Variants in ANXA6 observed in about 807,000 individuals in gnomAD.
ANXA6 encodes the protein annexin A6.
Under a neutral mutation model 95.4 loss-of-function variants are expected in ANXA6, and 71 were observed. That is an observed-to-expected ratio of 0.74 (90% CI 0.61 to 0.91). The LOEUF is 0.91. Among genes scored for constraint, ANXA6 ranks in the 40% least tolerant of loss-of-function variants. ANXA6 has a pLI of 0.00. For synonymous variants in ANXA6, 289 were observed against 315.9 expected (o/e 0.91, Z 0.90); for missense variants, 830 against 876.4 (o/e 0.95, Z 0.67).
At chr5:151,134,208 C>T (rs545217902) in intron 8 of ANXA6, among the ~76,000 whole-genome samples, 1 of 152,332 alleles carries the variant, frequency 6.6e-6, no homozygotes, top group African/African-American at 2.4e-5. Context: ...CTCCAAAGTA[C>T]ACCTCACCAA....
At position 151,103,692 on chromosome 5, in the gene ANXA6, C is replaced by G. The variant is rs1764612317; in HGVS notation, c.1840G>C (p.Gly614Arg). Residue 614 changes from glycine (G) to arginine (R), a missense_variant and splice_region_variant, in exon 25 of 26, where the codon GGT (glycine) becomes CGT (arginine). Coordinates refer to ENST00000354546, the MANE Select transcript of ANXA6 (RefSeq NM_001155.5). Reference protein sequence around the residue: ...FADKLYKSMKGAGTDEKTLTR... With the variant: ...FADKLYKSMKRAGTDEKTLTR... ...AGAGTCTTCTCATCTGTGCCAGCAC[C>G]CTGGTGGAGCCAGGCAGGAGGGAGA... is the stretch of plus-strand genomic sequence containing the variant. 1 of 1,607,054 alleles carries G rather than the reference C, an allele frequency of 6.2e-7. No individual in the cohort carries two copies. Among genetic ancestry groups the G allele is most frequent in the Non-Finnish European group, 8.5e-7 (1 of 1,176,876 alleles).
At chr5:151,128,149 G>GC in intron 13 of ANXA6, 32 bp downstream of exon 13, 1 of 1,597,102 alleles carries the variant, frequency 6.3e-7, no homozygotes, top group South Asian at 1.1e-5. Flanking sequence ...CCAAGGCCAT[G>GC]CCCTCCAGCC....
At chr5:151,110,409 G>C (rs1764816722) in intron 21 of ANXA6, among the ~76,000 whole-genome samples, 1 of 152,204 alleles carries the variant, frequency 6.6e-6, no homozygotes, top group Non-Finnish European at 1.5e-5. Context: ...AGTATTAATA[G>C]CTGGTGGTTA....
At chr5:151,138,944 C>A (rs1765747154) in intron 4 of ANXA6, 153 bp from the exon 5 acceptor site, 4 of 636,322 alleles carry the variant, frequency 6.3e-6, no homozygotes, top group Middle Eastern at 6.7e-4. Context: ...TGTTACCAAC[C>A]CTAAGAGACA....
chr5:151,129,520 T>C lies in ANXA6; in HGVS notation c.805A>G (p.Thr269Ala). 6.2e-7 allele frequency: 1 copy of C among 1,603,896 alleles called. No individual in the cohort carries two copies. The highest frequency in any genetic ancestry group is 1.1e-5 in the South Asian group (1 of 89,312). The change falls in exon 12 of 26, where the codon ACT (threonine) becomes GCT (alanine). Residue 269 changes from threonine (T) to alanine (A), a missense_variant. Transcript: ENST00000354546. The part of the protein sequence containing the change: ...RLFKAMKGLG[T>A]RDNTLIRIMV... ...ATGCGGATCAGGGTGTTGTCCCGAG[T>C]CCCCAGGCCCTGCAAGACAAGTGGG...
rs1224950550 is a variant in ANXA6 at position 151,119,362 on chromosome 5, A to G, written c.1376T>C (p.Ile459Thr). Residue 459 changes from isoleucine (I) to threonine (T), a missense_variant, in exon 18 of 26, where the codon ATT becomes ACT. Physicochemically the swap from Ile to Thr is moderately conservative, Grantham distance 89 (BLOSUM62 -1). Coordinates refer to ENST00000354546, the MANE Select transcript of ANXA6 (RefSeq NM_001155.5). ...ATTGGTCCGAGTGGCCAGGATTTCA[A>G]TAAGAGCCTTTTCATCTGTGCCGGC... ...EGAGTDEKAL[I>T]EILATRTNAE... 1.2e-6 allele frequency: 2 copies of G among 1,613,778 alleles called. No individual in the cohort carries two copies. Among genetic ancestry groups the G allele is most frequent in the Non-Finnish European group, 1.7e-6 (2 of 1,179,898 alleles).
rs36120948 is a variant in ANXA6 at position 151,149,179 on chromosome 5, CAAA to C, written c.-25-1256_-25-1254del. On this transcript the variant is annotated intron_variant, in intron 1 of 25. Coordinates refer to ENST00000354546, the MANE Select transcript of ANXA6 (RefSeq NM_001155.5). ...CTGGGTGACAGGGCAAGCCCTGTCT[CAAA>C]AAAAAAAAAAAAAAAAAAAAGACAG... is the stretch of plus-strand genomic sequence containing the variant. Among the ~76,000 whole-genome samples the C allele has an allele frequency of 6.3e-5, 3 of 47,298 alleles. No individual in the cohort carries two copies. In the Admixed American group the frequency reaches 8.4e-4, roughly 13 times the overall value. The allele number at this position is 47,298 out of a possible 152,430, so 31.0% of individuals were successfully genotyped here. A position where few individuals can be genotyped will look rare whatever the true frequency, so the allele number is the denominator to read the frequency against.
At chr5:151,108,271 G>A (rs1210465651) in intron 23 of ANXA6, among the ~76,000 whole-genome samples, 184 bp downstream of exon 23, 1 of 152,084 alleles carries the variant, frequency 6.6e-6, no homozygotes, top group Non-Finnish European at 1.5e-5. Flanking sequence ...ACCCTCTCCT[G>A]CAGCCTCGCA....
rs1582000052 is a variant in ANXA6, at chr5:151,129,318, C to T, written c.918+89G>A. 4 of 1,526,644 alleles carry T rather than the reference C, an allele frequency of 2.6e-6. No individual in the cohort carries two copies. The East Asian group carries it at 9.1e-5, about 35-fold the overall frequency. 94.6% of individuals were successfully genotyped at this position (1,526,644 alleles called of 1,614,324 possible). A position where few individuals can be genotyped will look rare whatever the true frequency, so the allele number is the denominator to read the frequency against. On this transcript the variant is annotated intron_variant, in intron 12 of 25. Transcript: ENST00000354546. ...TCCAAGAGACTCCCACTTCCTAGGA[C>T]ATTTCCTTTTCCTGGGAATAGTCCC... is the stretch of plus-strand genomic sequence containing the variant.
intron 19 of ANXA6, 52 bp downstream of exon 19, chr5:151,117,706 C>T (rs1419471585): frequency 5.3e-6 from 8 of 1,500,636 alleles, no homozygotes; most frequent in South Asian, 1.2e-5. Context: ...CCTTCCCTTC[C>T]TCCCAGGCCT....
chr5:151,124,874 A>C (rs1765274159), intron 14 of ANXA6, among the ~76,000 whole-genome samples: 1 of 152,166 alleles, frequency 6.6e-6, no homozygotes, highest in Non-Finnish European at 1.5e-5. Context: ...TAGCACACAC[A>C]CTATGCCATC....
At chr5:151,144,721 T>C (rs921191260) in intron 2 of ANXA6, among the ~76,000 whole-genome samples, 4 of 152,054 alleles carry the variant, frequency 2.6e-5, no homozygotes, top group African/African-American at 7.3e-5. Flanking sequence ...CAAGCCTTGA[T>C]CCAAACGCTC....
rs1765317222 is a variant in ANXA6 at position 151,126,413 on chromosome 5, C to T, written c.1045G>A (p.Ala349Thr). ...GGGGAAGGTCTGACCTCTACTCGGG[C>T]CACTGCACTAAGTTCCCACATCTGA... ...AYQMWELSAV[A>T]RVELKGTVRP... The change falls in exon 14 of 26, where the codon GCC becomes ACC. Residue 349 changes from alanine to threonine, a missense_variant. Physicochemically the swap from Ala to Thr is moderately conservative, Grantham distance 58. Coordinates refer to ENST00000354546, the MANE Select transcript of ANXA6 (RefSeq NM_001155.5). The T allele has an allele frequency of 1.2e-6, 2 of 1,609,550 alleles. No individual in the cohort carries two copies. Among genetic ancestry groups the T allele is most frequent in the Non-Finnish European group, 8.5e-7 (1 of 1,177,994 alleles).
chr5:151,154,151 C>T (rs1036182451), intron 1 of ANXA6, among the ~76,000 whole-genome samples: 4 of 151,918 alleles, frequency 2.6e-5, no homozygotes, highest in South Asian at 2.1e-4. Context: ...CAAGCAGGGG[C>T]GTGTTTTTCC....
At chr5:151,141,837 G>A (rs1243571853) in intron 2 of ANXA6, 3 of 511,114 alleles carry the variant, frequency 5.9e-6, no homozygotes, top group Non-Finnish European at 7.6e-6. Flanking sequence ...AGGGCGCCTT[G>A]CAAGGAGCTC....
At position 151,132,473 on chromosome 5, in the gene ANXA6, T is replaced by C; in HGVS notation, c.736+3A>G. ...CCCCCAGGAATGCAACGTCAGGACA[T>C]ACCTACGGCCAGCATTAGCTTCTCA... On this transcript the variant is annotated splice_donor_region_variant and intron_variant, in intron 10 of 25. Transcript: ENST00000354546. 1 of 1,609,904 alleles carries C rather than the reference T, an allele frequency of 6.2e-7. No individual in the cohort carries two copies. The highest frequency in any genetic ancestry group is 8.5e-7 in the Non-Finnish European group (1 of 1,178,104).
chr5:151,122,801 G>T, intron 16 of ANXA6, 116 bp downstream of exon 16: 1 of 838,652 alleles, frequency 1.2e-6, no homozygotes, highest in Non-Finnish European at 2.0e-6. Flanking sequence ...ACCACACAGG[G>T]TCCCTCTGCC....
chr5:151,136,420 C>G, intron 6 of ANXA6, 85 bp from the exon 7 acceptor site: 3 of 1,332,600 alleles, frequency 2.3e-6, no homozygotes, highest in Non-Finnish European at 3.2e-6. Flanking sequence ...CCAAAATGAT[C>G]AGATATTTTT....
chr5:151,129,298 G>T, intron 12 of ANXA6, 109 bp downstream of exon 12: 2 of 1,401,544 alleles, frequency 1.4e-6, no homozygotes, highest in South Asian at 1.4e-5. Flanking sequence ...GAATGTCCAA[G>T]AGACTCCCAC....
Sources: allele counts gnomAD v4.1 joint callset (sites outside exome capture counted in the v4.1 genomes callset), GRCh38; gene constraint gnomAD v4.1.1; transcripts MANE v1.5; gene names NCBI Gene and HGNC (gene_info 2026-07-23, HGNC 2026-07-21).